DUS1L: variants seen among roughly 807,000 people sequenced by gnomAD.
DUS1L encodes the protein tRNA-dihydrouridine(16/17) synthase [NAD(P)(+)]-like.
Under a neutral mutation model 61.2 loss-of-function variants are expected in DUS1L, and 56 were observed. That is an observed-to-expected ratio of 0.92 (90% confidence interval 0.74 to 1.14). DUS1L has a LOEUF of 1.14. Ranked by LOEUF, DUS1L falls within the 50% of genes most tolerant of loss-of-function variation. The pLI, the probability that DUS1L is intolerant of heterozygous loss-of-function variation, is 0.00. For synonymous variants in DUS1L, 278 were observed against 259.5 expected (o/e 1.07, Z -0.69); for missense variants, 630 against 632.4 (o/e 1.00, Z 0.04).
At chr17:82,058,696 G>A in intron 12 of DUS1L, 85 bp downstream of exon 12, 5 of 1,590,710 alleles carry the variant, frequency 3.1e-6, no homozygotes, top group South Asian at 2.2e-5. Flanking sequence ...GCGGGCACCA[G>A]ACCTGCCACC....
intron 1 of DUS1L, 30 bp from the exon 2 acceptor site, chr17:82,065,099 G>C: frequency 6.5e-7 from 1 of 1,544,126 alleles, no homozygotes; most frequent in African/African-American, 1.4e-5. Context: ...CCGGGGTTCA[G>C]CCAGGCCCAA....
rs377110757 is a variant in DUS1L, at chr17:82,058,761, T to C, written c.1206+20A>G. 2.3e-5 allele frequency: 37 copies of C among 1,613,096 alleles called. No individual in the cohort carries two copies. The highest frequency in any genetic ancestry group is 3.0e-5 in the Non-Finnish European group (35 of 1,179,920). On this transcript the variant is annotated intron_variant, in intron 12 of 13. Transcript: ENST00000306796. ...CCCCAAAGCTGAAGCCTTGGTGGCT[T>C]GCAGCCGGAACCCACTCACCTTTGG...
At chr17:82,059,744 C>G in intron 11 of DUS1L, 1 of 656,158 alleles carries the variant, frequency 1.5e-6, no homozygotes. Flanking sequence ...GCCCATGTCC[C>G]ACATGCACGG....
At chr17:82,058,737 C>A in intron 12 of DUS1L, 44 bp downstream of exon 12, 1 of 1,612,510 alleles carries the variant, frequency 6.2e-7, no homozygotes, top group Non-Finnish European at 8.5e-7. Flanking sequence ...CCTGCCCACC[C>A]CCAAAGCTGA....
intron 11 of DUS1L, 51 bp downstream of exon 11, chr17:82,059,897 T>A: frequency 6.2e-7 from 1 of 1,608,228 alleles, no homozygotes; most frequent in Admixed American, 1.7e-5. Context: ...ACAGGGAGGA[T>A]GGGGGTGATG....
Position 82,060,092 on chromosome 17 carries a change from G to A in DUS1L, c.1024C>T (p.Pro342Ser), listed in dbSNP as rs920503975. The stretch of plus-strand genomic sequence containing the variant: ...GCCTTCTCCTTGCTCCCCTCCCTGG[G>A]CCTGAGGGGAGGGCAGCGGGCAGAG... ...WICQPYIRPGPREGSKEKAGA... is the reference protein window; with the variant it reads ...WICQPYIRPGSREGSKEKAGA... Residue 342 changes from proline to serine, a missense_variant and splice_region_variant, in exon 11 of 14, where the codon CCC (proline) becomes TCC (serine). Physicochemically the swap from Pro to Ser is moderately conservative, Grantham distance 74 (BLOSUM62 -1). Transcript: ENST00000306796. 5 of 1,612,530 alleles carry A rather than the reference G, an allele frequency of 3.1e-6. No individual in the cohort carries two copies. Among genetic ancestry groups the A allele is most frequent in the South Asian group, 2.2e-5 (2 of 91,018 alleles).
chr17:82,059,964 G>A lies in DUS1L; in HGVS notation c.1152C>T (p.Phe384=), dbSNP rs779213694. The change falls in exon 11 of 14, where the codon TTC becomes TTT. Residue 384 remains phenylalanine, a synonymous_variant. Transcript: ENST00000306796. ...AGCACTTACGCTTCAGAGAGGGGTC[G>A]AAGGTCTTGTGGGGGTTCCTCAGCT... ...KKQLRNPHKT[F]DPSLKPKYAK... 9.3e-6 allele frequency: 15 copies of A among 1,613,858 alleles called. No individual in the cohort carries two copies. Among genetic ancestry groups the A allele is most frequent in the South Asian group, 6.6e-5 (6 of 91,086 alleles).
In DUS1L at chr17:82,065,038, C is replaced by G; in HGVS notation, c.22G>C (p.Glu8Gln). Reference sequence around the variant, plus strand: ...CCTCGCAGGGTGCGGCTCCAGAACTCGAAGCCCTGCAGCTTTGGCATCGTC... The same window carrying G: ...CCTCGCAGGGTGCGGCTCCAGAACTGGAAGCCCTGCAGCTTTGGCATCGTC... Reference protein sequence around the residue: MPKLQGFEFWSRTLRGAR... With the variant: MPKLQGFQFWSRTLRGAR... Residue 8 changes from glutamate to glutamine, a missense_variant, in exon 2 of 14, where the codon GAG (glutamate) becomes CAG (glutamine). Physicochemically the swap from Glu to Gln is conservative, Grantham distance 29. Transcript: ENST00000306796. The G allele has an allele frequency of 6.2e-7, 1 of 1,602,294 alleles. No individual in the cohort carries two copies. Among genetic ancestry groups the G allele is most frequent in the Non-Finnish European group, 8.5e-7 (1 of 1,173,548 alleles).
In DUS1L at chr17:82,057,683, G is replaced by A. The variant is rs994517929; in HGVS notation, c.*432C>T. The A allele has an allele frequency of 1.4e-5, 3 of 214,958 alleles. No homozygotes were observed. The highest frequency in any genetic ancestry group is 2.6e-4 in the East Asian group (2 of 7,572). 13.3% of individuals were successfully genotyped at this position (214,958 alleles called of 1,614,324 possible). ...TGTGAGGCATCACGAAGCTCCCGGAGGCTTTGGCCACTTGCCTATGGAGGC... is the reference window on the plus strand; with the variant it reads ...TGTGAGGCATCACGAAGCTCCCGGAAGCTTTGGCCACTTGCCTATGGAGGC... On this transcript the variant is annotated 3_prime_UTR_variant, in exon 14 of 14. Transcript: ENST00000306796.
intron 1 of DUS1L, chr17:82,065,328 G>C (rs1255747584): frequency 2.2e-6 from 1 of 458,426 alleles, no homozygotes; most frequent in Non-Finnish European, 3.9e-6. Flanking sequence ...GGCCTGGTAG[G>C]GGACTGGCGT....
chr17:82,057,560 G>C lies in DUS1L; in HGVS notation c.*555C>G. The C allele has an allele frequency of 3.2e-6, 1 of 310,922 alleles. No individual in the cohort carries two copies. The highest frequency in any genetic ancestry group is 6.3e-6 in the Non-Finnish European group (1 of 158,192). The allele number at this position is 310,922 out of a possible 1,614,324, so 19.3% of individuals were successfully genotyped here. A position where few individuals can be genotyped will look rare whatever the true frequency, so the allele number is the denominator to read the frequency against. On this transcript the variant is annotated 3_prime_UTR_variant, in exon 14 of 14. Coordinates refer to ENST00000306796, the MANE Select transcript of DUS1L (RefSeq NM_022156.5). Reference sequence around the variant, plus strand: ...GGGCTGTCTCCCTGGGACTAGGCTTGGAGGCAGGGCCTGGTGAGAGAAATG... The same window carrying C: ...GGGCTGTCTCCCTGGGACTAGGCTTCGAGGCAGGGCCTGGTGAGAGAAATG...
intron 1 of DUS1L, 184 bp from the exon 2 acceptor site, chr17:82,065,253 C>A: frequency 3.5e-6 from 2 of 570,006 alleles, no homozygotes; most frequent in South Asian, 4.8e-5. Context: ...CACCTCCTAG[C>A]GGACCTCGGG....
In DUS1L at chr17:82,058,029, A is replaced by G. The variant is rs942659424; in HGVS notation, c.*86T>C. The G allele has an allele frequency of 6.3e-6, 9 of 1,418,338 alleles. No individual in the cohort carries two copies. Among genetic ancestry groups the G allele is most frequent in the Non-Finnish European group, 5.6e-6 (6 of 1,079,692 alleles). The allele number at this position is 1,418,338 out of a possible 1,614,324, so 87.9% of individuals were successfully genotyped here. On this transcript the variant is annotated 3_prime_UTR_variant, in exon 14 of 14. Transcript: ENST00000306796. Reference sequence around the variant, plus strand: ...GGCGTGTCTTTCCACATTAAGTAGCAGGAGATTCCCTGAGTAAAAGGCATT... The same window carrying G: ...GGCGTGTCTTTCCACATTAAGTAGCGGGAGATTCCCTGAGTAAAAGGCATT...
Position 82,064,963 on chromosome 17 carries a change from T to C in DUS1L, c.97A>G (p.Arg33Gly). The change falls in exon 2 of 14, where the codon AGG becomes GGG. Residue 33 changes from arginine to glycine, a missense_variant. Physicochemically the swap from Arg to Gly is moderately radical, Grantham distance 125. Transcript: ENST00000306796. ...PMVDQSELAW[R>G]LLSRRHGAQL... ...GCCCCGTGGCGCCGGCTCAGCAGCCTCCAGGCCAGCTCGCTCTGGTCCACC... is the reference window on the plus strand; with the variant it reads ...GCCCCGTGGCGCCGGCTCAGCAGCCCCCAGGCCAGCTCGCTCTGGTCCACC... 1 of 1,612,420 alleles carries C rather than the reference T, an allele frequency of 6.2e-7. No individual in the cohort carries two copies. The highest frequency in any genetic ancestry group is 8.5e-7 in the Non-Finnish European group (1 of 1,179,772).
chr17:82,058,151 A>G lies in DUS1L; in HGVS notation c.1386T>C (p.Gly462=). 1.9e-6 allele frequency: 3 copies of G among 1,594,478 alleles called. No homozygotes were observed. The highest frequency in any genetic ancestry group is 1.3e-5 in the African/African-American group (1 of 74,620). ...CACTGCCCATGACTTCGGAGAAGCC[A>G]CCTGGTGTTCCAGGTGCTGCTGGCT... ...EPQPAAPGTP[G]GFSEVMGSAL... is the part of the protein sequence containing the mutation. Residue 462 remains glycine, a synonymous_variant, in exon 14 of 14, where the codon GGT becomes GGC. Coordinates refer to ENST00000306796, the MANE Select transcript of DUS1L (RefSeq NM_022156.5).
rs2033405269 is a variant in DUS1L at position 82,060,103 on chromosome 17, G to C, written c.1023-10C>G. 6.2e-7 allele frequency: 1 copy of C among 1,610,712 alleles called. No individual in the cohort carries two copies. Among genetic ancestry groups the C allele is most frequent in the Admixed American group, 1.7e-5 (1 of 59,706 alleles). ...GCTCCCCTCCCTGGGCCTGAGGGGAGGGCAGCGGGCAGAGCCCAAGGACAC... is the reference window on the plus strand; with the variant it reads ...GCTCCCCTCCCTGGGCCTGAGGGGACGGCAGCGGGCAGAGCCCAAGGACAC... On this transcript the variant is annotated splice_polypyrimidine_tract_variant and intron_variant, in intron 10 of 13. Coordinates refer to ENST00000306796, the MANE Select transcript of DUS1L (RefSeq NM_022156.5).
chr17:82,060,231 C>T (rs2033414428), intron 10 of DUS1L, 138 bp from the exon 11 acceptor site: 1 of 1,170,434 alleles, frequency 8.5e-7, no homozygotes, highest in Non-Finnish European at 1.2e-6. Flanking sequence ...CCTCCTTTCC[C>T]TCGGGCAGCC....
At chr17:82,058,715 T>A in intron 12 of DUS1L, 66 bp downstream of exon 12, 1 of 1,609,274 alleles carries the variant, frequency 6.2e-7, no homozygotes, top group Non-Finnish European at 8.5e-7. Context: ...CCCCAAGCAG[T>A]GCAGAGACCA....
rs139515056 is a variant in DUS1L at position 82,058,150 on chromosome 17, C to G, written c.1387G>C (p.Gly463Arg). The change falls in exon 14 of 14, where the codon GGC becomes CGC. Residue 463 changes from glycine to arginine, a missense_variant. Physicochemically the swap from Gly to Arg is moderately radical, Grantham distance 125 (BLOSUM62 -2). Transcript: ENST00000306796. ...GCACTGCCCATGACTTCGGAGAAGC[C>G]ACCTGGTGTTCCAGGTGCTGCTGGC... is the stretch of plus-strand genomic sequence containing the variant. ...PQPAAPGTPG[G>R]FSEVMGSALA 1 of 1,594,174 alleles carries G rather than the reference C, an allele frequency of 6.3e-7. No homozygotes were observed. Among genetic ancestry groups the G allele is most frequent in the South Asian group, 1.1e-5 (1 of 89,910 alleles).
Sources: gnomAD v4.1 joint callset for allele counts on GRCh38, gnomAD v4.1.1 for gene constraint, MANE v1.5 for transcripts, NCBI Gene and HGNC (gene_info 2026-07-23, HGNC 2026-07-21) for gene names.